Variants in LRBA observed in about 807,000 individuals in gnomAD.
LRBA encodes LPS responsive beige-like anchor protein, also known as lipopolysaccharide-responsive and beige-like anchor protein.
Under a neutral mutation model 330.0 loss-of-function variants are expected in LRBA, and 176 were observed. The observed-to-expected ratio is 0.53, with a 90% confidence interval of 0.47 to 0.60. The LOEUF (loss-of-function observed/expected upper bound fraction) is 0.60. Ranked by LOEUF, LRBA falls within the 20% of genes least tolerant of loss-of-function variation. The pLI is 0.00. For missense variants in LRBA, 3,259 were observed against 3,444.8 expected (o/e 0.95, Z 1.35); for synonymous variants, 1,230 against 1,193.0 (o/e 1.03, Z -0.64).
intron 35 of LRBA, among the ~76,000 whole-genome samples, chr4:150,759,254 CTCT>C (rs943282249): frequency 3.3e-5 from 5 of 152,152 alleles, no homozygotes; most frequent in African/African-American, 7.2e-5. Flanking sequence ...GACTGTCTTC[CTCT>C]TCTTCTCAAA....
Position 150,913,234 on chromosome 4 carries a change from G to A in LRBA, c.1161+961C>T, listed in dbSNP as rs752096063. Among the ~76,000 whole-genome samples the A allele has an allele frequency of 5.9e-5, 9 of 152,294 alleles. No homozygotes were observed. In the South Asian group the frequency reaches 8.3e-4, roughly 14 times the overall value. ...TGTAATCCCAGCACTTTGGGAAGCC[G>A]AGGCGGGCGGATCACCTGAGGTCAG... On this transcript the variant is annotated intron_variant, in intron 9 of 56. Coordinates refer to ENST00000651943, the MANE Select transcript of LRBA (RefSeq NM_001364905.1).
At chr4:150,415,645 T>A in intron 46 of LRBA, 55 bp from the exon 47 acceptor site, 1 of 1,058,896 alleles carries the variant, frequency 9.4e-7, no homozygotes, top group Admixed American at 2.3e-5. Context: ...ACTGACTAGA[T>A]ATTCAAAAAA....
intron 56 of LRBA, among the ~76,000 whole-genome samples, chr4:150,268,351 A>AAAG (rs1347389212): frequency 7.9e-5 from 12 of 152,250 alleles, no homozygotes; most frequent in African/African-American, 2.9e-4. Context: ...CCAAACATTT[A>AAAG]AAGAAGTATT....
At chr4:150,360,921 A>C (rs1203420861) in intron 47 of LRBA, among the ~76,000 whole-genome samples, 2 of 152,222 alleles carry the variant, frequency 1.3e-5, no homozygotes, top group Non-Finnish European at 2.9e-5. Flanking sequence ...AAAAGGGCTA[A>C]TTCTACCAAC....
chr4:150,360,588 ACAAGACAG>A (rs1228862144), intron 47 of LRBA, among the ~76,000 whole-genome samples: 1 of 152,196 alleles, frequency 6.6e-6, no homozygotes, highest in Non-Finnish European at 1.5e-5. Context: ...AGATTTTGAT[ACAAGACAG>A]AATGCAGGAG....
intron 22 of LRBA, among the ~76,000 whole-genome samples, chr4:150,856,283 T>C (rs1579009330): frequency 6.6e-6 from 1 of 152,198 alleles, no homozygotes; most frequent in Non-Finnish European, 1.5e-5. Context: ...ACTGCTCCAG[T>C]CCAGATGGAC....
intron 36 of LRBA, among the ~76,000 whole-genome samples, chr4:150,705,966 T>A (rs1476477452): frequency 6.6e-6 from 1 of 151,926 alleles, no homozygotes; most frequent in Non-Finnish European, 1.5e-5. Context: ...ATTACAAGAA[T>A]TAAAGTTGGT....
intron 35 of LRBA, among the ~76,000 whole-genome samples, chr4:150,737,637 A>G (rs12502452): frequency 1.6e-4 from 22 of 141,146 alleles, no homozygotes; most frequent in Non-Finnish European, 2.4e-4. Flanking sequence ...CCACTGTGGG[A>G]AAAAAAAAAG....
At chr4:150,701,896 T>G (rs999830679) in intron 36 of LRBA, among the ~76,000 whole-genome samples, 3 of 152,202 alleles carry the variant, frequency 2.0e-5, no homozygotes, top group Admixed American at 6.5e-5. Context: ...CATTAATCAC[T>G]GAGGCAGAAC....
chr4:150,627,539 G>A (rs1776979244), intron 37 of LRBA, among the ~76,000 whole-genome samples: 1 of 151,852 alleles, frequency 6.6e-6, no homozygotes, highest in East Asian at 1.9e-4. Flanking sequence ...CTAAAATACT[G>A]TAATTAAAAG....
chr4:150,987,668 T>G (rs1741610138), intron 2 of LRBA, among the ~76,000 whole-genome samples: 1 of 150,938 alleles, frequency 6.6e-6, no homozygotes, highest in African/African-American at 2.4e-5. Flanking sequence ...ATCGCACCAC[T>G]GCACTCCAGC....
At chr4:150,671,703 A>T (rs544669338) in intron 37 of LRBA, among the ~76,000 whole-genome samples, 2 of 152,314 alleles carry the variant, frequency 1.3e-5, no homozygotes, top group African/African-American at 4.8e-5. Context: ...AAGAACCTAT[A>T]AACATAAAAA....
In LRBA at chr4:150,921,401, G is replaced by C. The variant is rs58328072; in HGVS notation, c.550-108C>G. 0.052 allele frequency: 34,845 copies of C among 675,632 alleles called. 2,432 individuals carry two copies. The highest frequency in any genetic ancestry group is 0.27 in the African/African-American group (14,913 of 54,942). The allele number at this position is 675,632 out of a possible 1,614,324, so 41.9% of individuals were successfully genotyped here. ...ATATATACAGGAATAATGCTATAAG[G>C]TTAAAAGCATAGAAAATAATTTCTA... On this transcript the variant is annotated intron_variant, in intron 4 of 56. Coordinates refer to ENST00000651943, the MANE Select transcript of LRBA (RefSeq NM_001364905.1).
intron 2 of LRBA, chr4:150,970,546 TGTGTGTGTGTACACACAC>T (rs1310760196): frequency 1.4e-4 from 6 of 42,496 alleles, no homozygotes; most frequent in Admixed American, 3.1e-4. Context: ...TGTGTGTGTG[TGTGTGTGTGTACACACAC>T]ACACACACAC....
chr4:150,489,287 A>ATATATTATATATAC (rs1561250553), intron 41 of LRBA, among the ~76,000 whole-genome samples: 3 of 57,162 alleles, frequency 5.2e-5, no homozygotes, highest in Non-Finnish European at 8.7e-5. Flanking sequence ...ATTATATATA[A>ATATATTATATATAC]GAATATATAA....
chr4:150,568,190 A>G (rs1769387131), intron 40 of LRBA, among the ~76,000 whole-genome samples: 1 of 152,170 alleles, frequency 6.6e-6, no homozygotes, highest in Admixed American at 6.6e-5. Context: ...AAACAAAAAA[A>G]ATAAATCAGA....
At chr4:150,601,001 G>C (rs1447489072) in intron 37 of LRBA, among the ~76,000 whole-genome samples, 2 of 152,152 alleles carry the variant, frequency 1.3e-5, no homozygotes, top group African/African-American at 2.4e-5. Context: ...GATACAATGA[G>C]GGTCTATTCA....
chr4:150,849,529 C>T lies in LRBA; in HGVS notation c.4051G>A (p.Val1351Ile). ...VMDFVNSSDNVIFVHNTIHLI... is the reference protein window; with the variant it reads ...VMDFVNSSDNIIFVHNTIHLI... ...TGAATTGTGTTGTGTACAAAGATGA[C>T]ATTATCACTGCTATTCACGAAGTCC... Residue 1351 changes from valine to isoleucine, a missense_variant, in exon 25 of 57, where the codon GTC becomes ATC. Transcript: ENST00000651943. 2 of 1,613,210 alleles carry T rather than the reference C, an allele frequency of 1.2e-6. No individual in the cohort carries two copies. The highest frequency in any genetic ancestry group is 1.1e-5 in the South Asian group (1 of 91,050).
In LRBA at chr4:150,397,910, G is replaced by A. The variant is rs528246180; in HGVS notation, c.7194+17528C>T. ...GCATATTATTAAGTGTTCAACGCACGACAGCTCTTATTATCCTTCTAAAAA... is the reference window on the plus strand; with the variant it reads ...GCATATTATTAAGTGTTCAACGCACAACAGCTCTTATTATCCTTCTAAAAA... On this transcript the variant is annotated intron_variant, in intron 47 of 56. Coordinates refer to ENST00000651943, the MANE Select transcript of LRBA (RefSeq NM_001364905.1). Among the ~76,000 whole-genome samples the A allele has an allele frequency of 3.7e-4, 56 of 152,226 alleles. 1 individual carries two copies. The South Asian group carries it at 0.011, about 29-fold the overall frequency.
Sources: allele counts gnomAD v4.1 joint callset (sites outside exome capture counted in the v4.1 genomes callset), GRCh38; gene constraint gnomAD v4.1.1; transcripts MANE v1.5; gene names NCBI Gene and HGNC (gene_info 2026-07-23, HGNC 2026-07-21).